Variants in DOCK5 observed in about 807,000 individuals in gnomAD.
DOCK5 encodes dedicator of cytokinesis 5, also known as dedicator of cytokinesis protein 5.
In DOCK5, 142 loss-of-function variants were observed where a neutral mutation model predicts 251.8. The ratio of observed to expected loss-of-function variants is 0.56; its 90% CI spans 0.49 to 0.65. DOCK5 has a LOEUF of 0.65. DOCK5 is among the 30% of genes least tolerant of loss of function. The probability of loss-of-function intolerance (pLI) is 0.00; values close to 1 mark genes in which losing one functional copy is unlikely to be tolerated. For synonymous variants in DOCK5, 842 were observed against 835.5 expected (o/e 1.01, Z -0.13); for missense variants, 2,111 against 2,312.3 (o/e 0.91, Z 1.79).
At chr8:25,199,939 T>C (rs1430203547) in intron 1 of DOCK5, among the ~76,000 whole-genome samples, 1 of 137,596 alleles carries the variant, frequency 7.3e-6, no homozygotes, top group African/African-American at 2.7e-5. Context: ...GTCTATCCAA[T>C]TGTGACTGCA....
chr8:25,332,435 T>C (rs1180987727), intron 19 of DOCK5, 87 bp downstream of exon 19: 1 of 1,247,548 alleles, frequency 8.0e-7, no homozygotes, highest in Admixed American at 2.5e-5. Flanking sequence ...CCATTTAAAA[T>C]TAAATCATTC....
intron 1 of DOCK5, among the ~76,000 whole-genome samples, chr8:25,197,543 A>G (rs538036501): frequency 1.3e-5 from 2 of 148,706 alleles, no homozygotes; most frequent in Non-Finnish European, 3.0e-5. Flanking sequence ...TGGACCCCAA[A>G]GATGCCCTCT....
chr8:25,269,022 T>G lies in DOCK5; in HGVS notation c.168+137T>G. On this transcript the variant is annotated intron_variant, in intron 3 of 51. Transcript: ENST00000276440. ...TCTCTTTGATGGCTCTTCTTTGGAT[T>G]TGAAAGCAAATTCTCTGACCTCAGT... The G allele has an allele frequency of 1.7e-5, 12 of 716,930 alleles. No individual in the cohort carries two copies. The South Asian group carries it at 2.1e-4, about 12-fold the overall frequency. 44.4% of individuals were successfully genotyped at this position (716,930 alleles called of 1,614,324 possible).
rs370661237 is a variant in DOCK5, at chr8:25,310,396, T to C, written c.1193-11T>C. 9 of 1,595,438 alleles carry C rather than the reference T, an allele frequency of 5.6e-6. No individual in the cohort carries two copies. In the African/African-American group the frequency reaches 6.8e-5, roughly 12 times the overall value. ...CAAAGAACTAAACGTTTATCTTTTA[T>C]TTCTTTTAAGGCCTTTGGGTATCCT... On this transcript the variant is annotated splice_polypyrimidine_tract_variant and intron_variant, in intron 12 of 51. Transcript: ENST00000276440.
intron 16 of DOCK5, among the ~76,000 whole-genome samples, chr8:25,321,551 C>A (rs1021302706): frequency 6.6e-6 from 1 of 152,160 alleles, no homozygotes; most frequent in African/African-American, 2.4e-5. Flanking sequence ...AAGGAATGTG[C>A]AACCTAGATC....
intron 1 of DOCK5, among the ~76,000 whole-genome samples, chr8:25,237,360 A>T (rs4871937): frequency 0.28 from 41,796 of 151,874 alleles, 7,361 homozygotes; most frequent in African/African-American, 0.5. Flanking sequence ...ATAGAGTGAG[A>T]TCCTGTCTCA....
At chr8:25,194,917 G>A (rs112708270) in intron 1 of DOCK5, among the ~76,000 whole-genome samples, 372 of 64,206 alleles carry the variant, frequency 5.8e-3, no homozygotes, top group African/African-American at 0.014. Flanking sequence ...TACTGCAACG[G>A]TATTTTTTTT....
chr8:25,265,039 C>T (rs1046254604), intron 2 of DOCK5, among the ~76,000 whole-genome samples: 1 of 151,838 alleles, frequency 6.6e-6, no homozygotes, highest in Non-Finnish European at 1.5e-5. Context: ...ACATTGGCAT[C>T]ACCATCTCCA....
intron 1 of DOCK5, among the ~76,000 whole-genome samples, chr8:25,228,273 A>T (rs908706769): frequency 1.3e-5 from 2 of 152,230 alleles, no homozygotes; most frequent in Non-Finnish European, 2.9e-5. Flanking sequence ...ACTTAGAAAA[A>T]GTTATGGCAA....
chr8:25,304,118 A>G, intron 10 of DOCK5, 137 bp from the exon 11 acceptor site: 6 of 695,276 alleles, frequency 8.6e-6, no homozygotes, highest in Non-Finnish European at 1.3e-5. Flanking sequence ...ACCATTGGCA[A>G]AGAAATTTTA....
At chr8:25,219,392 A>G (rs1563312332) in intron 1 of DOCK5, among the ~76,000 whole-genome samples, 3 of 152,066 alleles carry the variant, frequency 2.0e-5, no homozygotes, top group East Asian at 1.9e-4. Context: ...TCAATCTGGC[A>G]TAGTCGCTCT....
chr8:25,402,624 T>G (rs1586398483), intron 47 of DOCK5, among the ~76,000 whole-genome samples: 2 of 151,936 alleles, frequency 1.3e-5, no homozygotes, highest in African/African-American at 4.8e-5. Flanking sequence ...AAAACTTTTT[T>G]GTAGAGATAG....
chr8:25,409,082 A>G (rs1336769772), intron 50 of DOCK5, 142 bp downstream of exon 50: 2 of 1,279,248 alleles, frequency 1.6e-6, no homozygotes, highest in Admixed American at 4.5e-5. Context: ...TGTATTATAC[A>G]GTTAGACTGG....
intron 34 of DOCK5, among the ~76,000 whole-genome samples, chr8:25,370,727 G>A (rs553001119): frequency 2.0e-5 from 3 of 152,102 alleles, no homozygotes; most frequent in Non-Finnish European, 2.9e-5. Context: ...GGCTGGTCTC[G>A]AAATTTTGCT....
chr8:25,380,256 A>G (rs762494089), intron 38 of DOCK5, 49 bp from the exon 39 acceptor site: 7 of 1,542,006 alleles, frequency 4.5e-6, no homozygotes, highest in East Asian at 4.8e-5. Flanking sequence ...CCACTGAATC[A>G]ATGACTGCCT....
chr8:25,367,979 G>A (rs535570252), intron 31 of DOCK5, among the ~76,000 whole-genome samples: 15 of 152,180 alleles, frequency 9.9e-5, no homozygotes, highest in East Asian at 9.7e-4. Context: ...ATTTTTCAGC[G>A]TTTCCATTTG....
intron 1 of DOCK5, among the ~76,000 whole-genome samples, chr8:25,206,254 A>T (rs1306854876): frequency 6.6e-6 from 1 of 152,150 alleles, no homozygotes; most frequent in Non-Finnish European, 1.5e-5. Flanking sequence ...AAAAGAGGGA[A>T]ATGATATAGA....
At chr8:25,341,679 A>G in intron 23 of DOCK5, 60 bp from the exon 24 acceptor site, 1 of 1,374,558 alleles carries the variant, frequency 7.3e-7, no homozygotes, top group East Asian at 2.5e-5. Context: ...GGGATCAAGC[A>G]GTAAATACTG....
chr8:25,393,325 T>A (rs1006609850), intron 44 of DOCK5, among the ~76,000 whole-genome samples: 3 of 152,318 alleles, frequency 2.0e-5, no homozygotes, highest in Admixed American at 6.5e-5. Flanking sequence ...ATTAAATCTG[T>A]TTTATTTCCC....
Sources: gnomAD v4.1 joint callset for allele counts (sites outside exome capture counted in the v4.1 genomes callset) on GRCh38, gnomAD v4.1.1 for gene constraint, MANE v1.5 for transcripts, NCBI Gene and HGNC (gene_info 2026-07-23, HGNC 2026-07-21) for gene names.